The following PCDHGA2 variants were observed in gnomAD, a reference collection of about 807,000 sequenced individuals.
PCDHGA2 encodes protocadherin gamma-A2.
PCDHGA2 carries 40 observed loss-of-function variants against 59.2 expected under a neutral mutation model. That is an observed-to-expected ratio of 0.68 (90% CI 0.52 to 0.88). The LOEUF is 0.88. Ranked by LOEUF, PCDHGA2 falls within the 40% of genes least tolerant of loss-of-function variation. The pLI is 0.00. For missense variants in PCDHGA2, 1,226 were observed against 1,204.0 expected, an observed-to-expected ratio of 1.02 and a Z score of -0.27; for synonymous variants, 560 against 526.0, an observed-to-expected ratio of 1.06 and a Z score of -0.89.
At position 141,375,341 on chromosome 5, in the gene PCDHGA2, A is replaced by C. The variant is rs1378038175; in HGVS notation, c.2424+33946A>C. ...CCGGGAAGAGGTATTCTTGTACAAC[A>C]TCACTGTGACAGCCACGGACAAAGG... On this transcript the variant is annotated intron_variant, in intron 1 of 3. Transcript: ENST00000394576. 4.3e-6 allele frequency: 7 copies of C among 1,613,856 alleles called. No individual in the cohort carries two copies. Among genetic ancestry groups the C allele is most frequent in the South Asian group, 2.2e-5 (2 of 91,080 alleles).
At chr5:141,423,674 C>T (rs57195665) in intron 1 of PCDHGA2, 3 of 1,514,742 alleles carry the variant, frequency 2.0e-6, no homozygotes, top group African/African-American at 1.5e-5. Context: ...AGATTTATTT[C>T]TCTGCCTCCT....
intron 1 of PCDHGA2, chr5:141,377,873 T>C (rs1304157749): frequency 6.6e-6 from 1 of 152,196 alleles, no homozygotes; most frequent in Admixed American, 6.5e-5. Context: ...AGACTTCTCT[T>C]ATCAGAGATA....
intron 1 of PCDHGA2, chr5:141,375,438 T>TC: frequency 1.2e-6 from 2 of 1,613,806 alleles, no homozygotes; most frequent in African/African-American, 1.3e-5. Flanking sequence ...CCGCCCACCT[T>TC]CCCCCATTCA....
At chr5:141,365,016 G>A (rs1763680175) in intron 1 of PCDHGA2, 1 of 1,613,880 alleles carries the variant, frequency 6.2e-7, no homozygotes. Flanking sequence ...ACGCACATCC[G>A]TGTTACGGTC....
At chr5:141,429,385 T>A (rs1274446916) in intron 1 of PCDHGA2, among the ~76,000 whole-genome samples, 1 of 151,844 alleles carries the variant, frequency 6.6e-6, no homozygotes, top group Non-Finnish European at 1.5e-5. Flanking sequence ...GTGTTTTTTT[T>A]TTAAAAAAAA....
At chr5:141,478,812 A>G (rs952753762) in intron 1 of PCDHGA2, 16 of 1,453,436 alleles carry the variant, frequency 1.1e-5, no homozygotes, top group Non-Finnish European at 1.4e-5. Flanking sequence ...TTGCTATCAC[A>G]ACTAACCAAT....
Position 141,490,083 on chromosome 5 carries a change from T to G in PCDHGA2, c.2425-4724T>G. Reference sequence around the variant, plus strand: ...CCAACGGCCAACTAGACTATTCTTTTGGAGACCACACATCTGAGGCAGTGC... The same window carrying G: ...CCAACGGCCAACTAGACTATTCTTTGGGAGACCACACATCTGAGGCAGTGC... On this transcript the variant is annotated intron_variant, in intron 1 of 3. Coordinates refer to ENST00000394576, the MANE Select transcript of PCDHGA2 (RefSeq NM_018915.4). This position sits in a 1 kb window ranked among gnomAD's most constrained non-coding sequence, Gnocchi z 5.4. 1.2e-6 allele frequency: 2 copies of G among 1,614,262 alleles called. No individual in the cohort carries two copies. The highest frequency in any genetic ancestry group is 1.7e-6 in the Non-Finnish European group (2 of 1,180,054).
intron 1 of PCDHGA2, chr5:141,427,891 G>A (rs767506033): frequency 1.3e-6 from 2 of 1,566,658 alleles, no homozygotes; most frequent in South Asian, 2.2e-5. Context: ...CACGACCAGG[G>A]CTCGCCCGCG....
chr5:141,397,194 A>G (rs1362793784), intron 1 of PCDHGA2, among the ~76,000 whole-genome samples: 1 of 152,240 alleles, frequency 6.6e-6, no homozygotes, highest in Admixed American at 6.5e-5. Flanking sequence ...GTACTGTAAA[A>G]GATATGACAT....
chr5:141,399,133 G>A (rs1054849184), intron 1 of PCDHGA2: 1 of 1,613,714 alleles, frequency 6.2e-7, no homozygotes, highest in Non-Finnish European at 8.5e-7. Flanking sequence ...TATTCAAGAT[G>A]AAAATGACAA....
At chr5:141,408,019 A>G (rs1589652051) in intron 1 of PCDHGA2, 1 of 1,031,592 alleles carries the variant, frequency 9.7e-7, no homozygotes, top group Admixed American at 3.2e-5. Context: ...GCAGCCAACA[A>G]CAGAAAGAAG....
chr5:141,464,725 A>G (rs538200804), intron 1 of PCDHGA2, among the ~76,000 whole-genome samples: 27 of 152,178 alleles, frequency 1.8e-4, no homozygotes, highest in African/African-American at 5.1e-4. Flanking sequence ...TCATATGTTT[A>G]AAAGCCAGTT....
At chr5:141,420,558 C>T (rs1373350109) in intron 1 of PCDHGA2, 1 of 248,240 alleles carries the variant, frequency 4.0e-6, no homozygotes, top group Non-Finnish European at 7.5e-6. Flanking sequence ...TATATTTTTA[C>T]GGCATGGTAT....
intron 1 of PCDHGA2, chr5:141,378,047 TC>T (rs1257560476): frequency 1.3e-5 from 2 of 152,202 alleles, no homozygotes; most frequent in Non-Finnish European, 2.9e-5. Flanking sequence ...ACTTTCCTTA[TC>T]TATCTGACTC....
At chr5:141,361,528 A>G (rs751857437) in intron 1 of PCDHGA2, 1 of 1,614,024 alleles carries the variant, frequency 6.2e-7, no homozygotes, top group Non-Finnish European at 8.5e-7. Context: ...GGCAGAGAAC[A>G]ATCCTCCTGG....
rs777115265 is a variant in PCDHGA2, at chr5:141,485,247, G to C, written c.2425-9560G>C. ...CTTTTGTTCCTCTTTTACCACCTGG[G>C]TTACGTTTGTGGGCAGATCCGCTAC... On this transcript the variant is annotated intron_variant, in intron 1 of 3. Coordinates refer to ENST00000394576, the MANE Select transcript of PCDHGA2 (RefSeq NM_018915.4). This position sits in a 1 kb window ranked among gnomAD's most constrained non-coding sequence, Gnocchi z 5.7. 8.7e-6 allele frequency: 14 copies of C among 1,614,156 alleles called. No homozygotes were observed. In the African/African-American group the frequency reaches 1.6e-4, roughly 18 times the overall value.
Position 141,510,946 on chromosome 5 carries a change from GA to G in PCDHGA2, c.2574del (p.Ala859LeufsTer17). The G allele has an allele frequency of 6.2e-7, 1 of 1,614,128 alleles. No homozygotes were observed. ...LQAMILASAS[E>X]AADGSSTLGG... ...CACCTGATCTTCCTCTGTCTCTGCA[GA>G]AGCTGCTGATGGGAGCTCCACCCTG... On this transcript the variant is annotated frameshift_variant and splice_region_variant, in exon 4 of 4. Coordinates refer to ENST00000394576, the MANE Select transcript of PCDHGA2 (RefSeq NM_018915.4). LOFTEE classifies it high-confidence loss of function.
intron 1 of PCDHGA2, chr5:141,370,499 C>T (rs552448276): frequency 2.5e-6 from 4 of 1,613,946 alleles, no homozygotes; most frequent in Non-Finnish European, 3.4e-6. Flanking sequence ...CGATCCGCTA[C>T]GCTATTCCCG....
intron 1 of PCDHGA2, chr5:141,418,103 G>A: frequency 1.2e-6 from 2 of 1,614,076 alleles, no homozygotes; most frequent in African/African-American, 1.3e-5. Flanking sequence ...CGCGCAGAGC[G>A]GGGACTTACT....
Sources: gnomAD v4.1 joint callset for allele counts (sites outside exome capture counted in the v4.1 genomes callset) on GRCh38, gnomAD v4.1.1 for gene constraint, Gnocchi (gnomAD v3.1) non-coding constraint, MANE v1.5 for transcripts, NCBI Gene and HGNC (gene_info 2026-07-23, HGNC 2026-07-21) for gene names.